The following CDK15 variants were observed in gnomAD, a reference collection of about 807,000 sequenced individuals.
CDK15 encodes cyclin-dependent kinase 15.
A neutral mutation model predicts 60.3 loss-of-function variants in CDK15; 62 were observed. The observed-to-expected ratio is 1.03, with a 90% confidence interval of 0.84 to 1.27. The LOEUF is 1.27. CDK15 is among the 50% of genes most tolerant of loss of function. The pLI, the probability that CDK15 is intolerant of heterozygous loss-of-function variation, is 0.00. For missense variants in CDK15, 541 were observed against 527.8 expected, an observed-to-expected ratio of 1.03 and a Z score of -0.25; for synonymous variants, 194 against 195.7, an observed-to-expected ratio of 0.99 and a Z score of 0.07.
At chr2:201,816,405 C>A (rs1334656165) in intron 4 of CDK15, among the ~76,000 whole-genome samples, 1 of 146,480 alleles carries the variant, frequency 6.8e-6, no homozygotes, top group African/African-American at 2.5e-5. Context: ...TGGGTTAATT[C>A]ACTTAGGATA....
intron 7 of CDK15, 101 bp downstream of exon 7, chr2:201,834,072 C>A: frequency 7.3e-7 from 1 of 1,368,554 alleles, no homozygotes; most frequent in South Asian, 1.6e-5. Flanking sequence ...AACTGGAGGC[C>A]CAAGAACATG....
intron 4 of CDK15, among the ~76,000 whole-genome samples, chr2:201,822,320 T>C (rs1696264684): frequency 1.3e-5 from 2 of 152,256 alleles, no homozygotes; most frequent in Non-Finnish European, 2.9e-5. Flanking sequence ...CCCATGCTTT[T>C]ATCCCTGTCT....
At chr2:201,892,453 G>A (rs1337993939) in intron 13 of CDK15, among the ~76,000 whole-genome samples, 1 of 152,132 alleles carries the variant, frequency 6.6e-6, no homozygotes, top group Non-Finnish European at 1.5e-5. Context: ...TTGCCTTTCT[G>A]ATCTACAGTG....
rs1480048046 is a variant in CDK15, at chr2:201,882,573, C to T, written c.1198+2406C>T. ...TTTCCTGCAGCGACATCTCGAATCC[C>T]CGAGGGAGAAGATGAAAGCGCCGGT... On this transcript the variant is annotated intron_variant, in intron 12 of 13. Coordinates refer to ENST00000652192, the MANE Select transcript of CDK15 (RefSeq NM_001366386.2). The surrounding 1 kb of genome is among the most constrained non-coding windows in gnomAD (Gnocchi z 4.0). 2.6e-5 allele frequency among the ~76,000 whole-genome samples: 4 copies of T among 151,724 alleles called. No homozygotes were observed. The highest frequency in any genetic ancestry group is 5.9e-5 in the Non-Finnish European group (4 of 67,908).
chr2:201,829,201 G>A (rs1232508424), intron 6 of CDK15, among the ~76,000 whole-genome samples: 1 of 151,934 alleles, frequency 6.6e-6, no homozygotes, highest in Non-Finnish European at 1.5e-5. Flanking sequence ...TTTTTGAAAT[G>A]TTATATTCCC....
intron 8 of CDK15, among the ~76,000 whole-genome samples, chr2:201,838,797 T>C (rs551368123): frequency 1.2e-4 from 18 of 152,344 alleles, no homozygotes; most frequent in African/African-American, 4.3e-4. Flanking sequence ...ACTGTGTCCC[T>C]TTCCCATCAA....
intron 9 of CDK15, among the ~76,000 whole-genome samples, chr2:201,849,074 G>A (rs138338802): frequency 1.9e-3 from 287 of 152,304 alleles, no homozygotes; most frequent in African/African-American, 6.5e-3. Flanking sequence ...AAAGACCTGG[G>A]TTTGAATTCT....
intron 7 of CDK15, among the ~76,000 whole-genome samples, chr2:201,835,332 A>T (rs535088805): frequency 6.6e-6 from 1 of 152,132 alleles, no homozygotes; most frequent in East Asian, 1.9e-4. Context: ...GGGAAGCAGA[A>T]CCCTTAACCC....
chr2:201,809,859 A>G (rs966331887), intron 3 of CDK15, among the ~76,000 whole-genome samples: 2 of 151,978 alleles, frequency 1.3e-5, no homozygotes, highest in African/African-American at 4.8e-5. Context: ...GCTGCCTTCC[A>G]CTGTTCATGC....
At chr2:201,844,552 C>A (rs1485392645) in intron 8 of CDK15, among the ~76,000 whole-genome samples, 1 of 152,158 alleles carries the variant, frequency 6.6e-6, no homozygotes, top group Non-Finnish European at 1.5e-5. Context: ...AATAATAATT[C>A]TACAAATTTA....
At chr2:201,824,790 T>C in intron 6 of CDK15, 2 of 702,870 alleles carry the variant, frequency 2.8e-6, no homozygotes, top group South Asian at 4.7e-5. Flanking sequence ...CTAAAGAAAA[T>C]GTGAAACACC....
At chr2:201,836,839 C>A (rs1309888069) in intron 8 of CDK15, among the ~76,000 whole-genome samples, 1 of 151,122 alleles carries the variant, frequency 6.6e-6, no homozygotes, top group Non-Finnish European at 1.5e-5. Context: ...CTTCAAGACA[C>A]CTGATTTTCA....
intron 10 of CDK15, among the ~76,000 whole-genome samples, chr2:201,862,427 T>C (rs1275127874): frequency 1.3e-5 from 2 of 152,222 alleles, no homozygotes; most frequent in Admixed American, 1.3e-4. Context: ...CAGTAGATAT[T>C]TGTGAAATGA....
chr2:201,890,952 C>G, intron 13 of CDK15, 25 bp downstream of exon 13: 1 of 1,261,916 alleles, frequency 7.9e-7, no homozygotes. Flanking sequence ...CAGTGAGGTT[C>G]CTTATGGAAC....
Position 201,893,444 on chromosome 2 carries a change from A to G in CDK15, c.*177A>G, listed in dbSNP as rs1699697124. ...ATGGTGTTCAAGGCAATAGTACATA[A>G]TAGTGGAAGAAAATTCAGTGGAAGG... On this transcript the variant is annotated 3_prime_UTR_variant, in exon 14 of 14. Transcript: ENST00000652192. The G allele has an allele frequency of 6.6e-6, 1 of 152,230 alleles. No individual in the cohort carries two copies. Among genetic ancestry groups the G allele is most frequent in the Admixed American group, 6.5e-5 (1 of 15,288 alleles). The allele number at this position is 152,230 out of a possible 1,614,324, so 9.4% of individuals were successfully genotyped here. A position where few individuals can be genotyped will look rare whatever the true frequency, so the allele number is the denominator to read the frequency against.
intron 8 of CDK15, among the ~76,000 whole-genome samples, chr2:201,838,269 G>T (rs965443729): frequency 6.6e-6 from 1 of 151,898 alleles, no homozygotes; most frequent in Non-Finnish European, 1.5e-5. Flanking sequence ...GTGGTGGGGG[G>T]TATCACTGGC....
chr2:201,817,443 A>G (rs918902714), intron 4 of CDK15, among the ~76,000 whole-genome samples: 4 of 152,248 alleles, frequency 2.6e-5, no homozygotes, highest in Non-Finnish European at 4.4e-5. Context: ...AATATTTTAA[A>G]GAAAATAATA....
intron 11 of CDK15, among the ~76,000 whole-genome samples, chr2:201,876,221 G>A (rs1406939470): frequency 1.3e-5 from 2 of 152,194 alleles, no homozygotes; most frequent in Non-Finnish European, 2.9e-5. Flanking sequence ...GTACAACTAT[G>A]ACAGTAAAGG....
intron 3 of CDK15, chr2:201,808,777 C>T (rs1292683588): frequency 1.3e-5 from 2 of 151,646 alleles, no homozygotes; most frequent in East Asian, 3.8e-4. Flanking sequence ...ACTTAACTGG[C>T]CAAAAACGAA....
Sources: gnomAD v4.1 joint callset for allele counts (sites outside exome capture counted in the v4.1 genomes callset) on GRCh38, gnomAD v4.1.1 for gene constraint, Gnocchi (gnomAD v3.1) non-coding constraint, MANE v1.5 for transcripts, NCBI Gene and HGNC (gene_info 2026-07-23, HGNC 2026-07-21) for gene names.